The following CDC42SE2 variants were observed in gnomAD, a reference collection of about 807,000 sequenced individuals.
CDC42SE2 encodes the protein CDC42 small effector protein 2.
A neutral mutation model predicts 11.5 loss-of-function variants in CDC42SE2; 3 were observed. That is an observed-to-expected ratio of 0.26 (90% CI 0.12 to 0.67). The LOEUF is 0.67. Ranked by LOEUF, CDC42SE2 falls within the 30% of genes least tolerant of loss-of-function variation. The probability of loss-of-function intolerance (pLI) is 0.80; values close to 1 mark genes in which losing one functional copy is unlikely to be tolerated. For synonymous variants in CDC42SE2, 33 were observed against 34.8 expected (o/e 0.95, Z 0.18); for missense variants, 82 against 106.8 (o/e 0.77, Z 1.02).
At chr5:131,390,769 G>GAAAT (rs1750626840) in intron 4 of CDC42SE2, among the ~76,000 whole-genome samples, 1 of 152,160 alleles carries the variant, frequency 6.6e-6, no homozygotes, top group African/African-American at 2.4e-5. Flanking sequence ...TTGTAATTTG[G>GAAAT]AAATAGAGAA....
the CDC42SE2 span, among the ~76,000 whole-genome samples, chr5:131,213,784 C>A: frequency 0.011 from 1,637 of 152,276 alleles, 33 homozygotes; most frequent in African/African-American, 0.037. Context: ...AAGCAAGTTT[C>A]TAATATGTCT....
chr5:131,288,295 A>G (rs1332014225), intron 1 of CDC42SE2, among the ~76,000 whole-genome samples: 10 of 152,160 alleles, frequency 6.6e-5, no homozygotes, highest in Non-Finnish European at 1.3e-4. Flanking sequence ...TCCTCTTATA[A>G]TGTGGAATCA....
chr5:131,282,704 C>T (rs1463939662), intron 1 of CDC42SE2, among the ~76,000 whole-genome samples: 1 of 152,230 alleles, frequency 6.6e-6, no homozygotes, highest in African/African-American at 2.4e-5. Context: ...TCTCGGCTCA[C>T]TGCAAGCTCC....
intron 3 of CDC42SE2, among the ~76,000 whole-genome samples, chr5:131,372,225 C>CA (rs1750030679): frequency 6.6e-6 from 1 of 151,860 alleles, no homozygotes; most frequent in East Asian, 1.9e-4. Context: ...CTACATTAAG[C>CA]AAAAAAAGAT....
At position 131,256,013 on chromosome 5, in the gene CDC42SE2, T is replaced by C. The variant is rs55740493; in HGVS notation, n.242+784T>C. Among the ~76,000 whole-genome samples, 1,439 of 152,302 alleles carry C rather than the reference T, an allele frequency of 9.4e-3. 23 individuals are homozygous for C. Among genetic ancestry groups the C allele is most frequent in the African/African-American group, 0.033 (1,360 of 41,550 alleles). ...TCTGCAAAACAAACCCATATCCGCC[T>C]GACACTAGAGACCATTCTCTTTTTA... On this transcript the variant is annotated intron_variant and non_coding_transcript_variant, in intron 2 of 3. Coordinates refer to the CDC42SE2 transcript ENST00000502840.
the CDC42SE2 span, among the ~76,000 whole-genome samples, chr5:131,214,420 AG>A: frequency 6.6e-6 from 1 of 152,180 alleles, no homozygotes; most frequent in Non-Finnish European, 1.5e-5. Context: ...AGAGAAACAC[AG>A]GATTTTGTTT....
At chr5:131,220,784 G>T in the CDC42SE2 span, among the ~76,000 whole-genome samples, 1 of 151,984 alleles carries the variant, frequency 6.6e-6, no homozygotes, top group African/African-American at 2.4e-5. Flanking sequence ...TCAGTAGAAT[G>T]TGCGTGTGTC....
rs1210237673 is a variant in CDC42SE2 at position 131,320,230 on chromosome 5, GA to G, written c.-286+4097del. On this transcript the variant is annotated intron_variant, in intron 2 of 4. Coordinates refer to ENST00000505065, the MANE Select transcript of CDC42SE2 (RefSeq NM_001375635.1). ...TGAAACCCTGTCTCTACTAAAAATA[GA>G]AAAAAAAAAATTAAGTCAGGCGTGG... 3.6e-3 allele frequency among the ~76,000 whole-genome samples: 510 copies of G among 141,410 alleles called. 3 individuals are homozygous for G. Among genetic ancestry groups the G allele is most frequent in the African/African-American group, 0.011 (434 of 38,294 alleles). The allele number at this position is 141,410 out of a possible 152,430, so 92.8% of individuals were successfully genotyped here.
intron 1 of CDC42SE2, among the ~76,000 whole-genome samples, chr5:131,311,396 T>G (rs1426473871): frequency 6.6e-6 from 1 of 152,066 alleles, no homozygotes; most frequent in Non-Finnish European, 1.5e-5. Flanking sequence ...GATTTCAACT[T>G]TGGTGAATCT....
chr5:131,298,455 G>A (rs1355621227), intron 1 of CDC42SE2, among the ~76,000 whole-genome samples: 1 of 151,098 alleles, frequency 6.6e-6, no homozygotes, highest in African/African-American at 2.4e-5. Flanking sequence ...AGGTACCATA[G>A]AATCTTAGAA....
the CDC42SE2 span, among the ~76,000 whole-genome samples, chr5:131,212,997 C>A: frequency 4.6e-5 from 7 of 152,144 alleles, no homozygotes; most frequent in African/African-American, 1.4e-4. Context: ...TCAAGACCAG[C>A]CTGACCAATA....
intron 2 of CDC42SE2, among the ~76,000 whole-genome samples, chr5:131,356,677 T>G (rs1049358512): frequency 1.3e-5 from 2 of 152,202 alleles, no homozygotes; most frequent in Admixed American, 6.5e-5. Flanking sequence ...GCCAGCACTT[T>G]GGGAGGCTGA....
intron 1 of CDC42SE2, among the ~76,000 whole-genome samples, chr5:131,303,805 T>A (rs554778989): frequency 2.0e-5 from 3 of 152,308 alleles, no homozygotes; most frequent in African/African-American, 7.2e-5. Flanking sequence ...TCTTTGTGAC[T>A]GCCCTAAAAG....
intron 1 of CDC42SE2, among the ~76,000 whole-genome samples, chr5:131,312,726 T>A (rs1757950817): frequency 6.6e-6 from 1 of 152,172 alleles, no homozygotes; most frequent in Non-Finnish European, 1.5e-5. Flanking sequence ...GTCACCCCTT[T>A]CTTTGACTAG....
At chr5:131,351,798 C>A (rs1205163406) in intron 2 of CDC42SE2, among the ~76,000 whole-genome samples, 1 of 152,048 alleles carries the variant, frequency 6.6e-6, no homozygotes, top group Non-Finnish European at 1.5e-5. Context: ...CCAAAAAGCA[C>A]AAATCATAAG....
At chr5:131,261,699 A>C (rs1756727683), upstream of CDC42SE2, 1 of 152,060 alleles carries the variant, frequency 6.6e-6, no homozygotes, top group South Asian at 2.1e-4. Flanking sequence ...AAAACACAAA[A>C]ATTAGCTAGG....
intron 4 of CDC42SE2, among the ~76,000 whole-genome samples, chr5:131,390,699 A>G (rs1160143436): frequency 3.3e-5 from 5 of 152,120 alleles, no homozygotes; most frequent in Admixed American, 1.3e-4. Flanking sequence ...GAGTTGATCT[A>G]TATATTTTTG....
chr5:131,352,221 T>G (rs1229103399), intron 2 of CDC42SE2, among the ~76,000 whole-genome samples: 3 of 152,206 alleles, frequency 2.0e-5, no homozygotes, highest in Non-Finnish European at 4.4e-5. Flanking sequence ...GGGTAGTTTC[T>G]TAATAAAGTT....
At chr5:131,223,142 T>A in the CDC42SE2 span, among the ~76,000 whole-genome samples, 1 of 152,258 alleles carries the variant, frequency 6.6e-6, no homozygotes, top group African/African-American at 2.4e-5. Flanking sequence ...TCCCCTTTTT[T>A]CACTTCCTTT....
Sources: allele counts gnomAD v4.1 joint callset (sites outside exome capture counted in the v4.1 genomes callset), GRCh38; gene constraint gnomAD v4.1.1; transcripts MANE v1.5; gene names NCBI Gene and HGNC (gene_info 2026-07-23, HGNC 2026-07-21).